The following CNTNAP2 variants were observed in gnomAD, a reference collection of about 807,000 sequenced individuals.
The protein encoded by CNTNAP2 is contactin associated protein 2.
Under a neutral mutation model 155.2 loss-of-function variants are expected in CNTNAP2, and 98 were observed. That is an observed-to-expected ratio of 0.63 (90% CI 0.54 to 0.75). CNTNAP2 has a LOEUF of 0.75. CNTNAP2 is among the 30% of genes least tolerant of loss of function. CNTNAP2 has a pLI of 0.00. For synonymous variants in CNTNAP2, 651 were observed against 631.2 expected, an observed-to-expected ratio of 1.03 and a Z score of -0.47; for missense variants, 1,727 against 1,688.1, an observed-to-expected ratio of 1.02 and a Z score of -0.40.
intron 17 of CNTNAP2, among the ~76,000 whole-genome samples, chr7:148,161,348 A>C (rs376191998): frequency 5.3e-5 from 8 of 152,160 alleles, no homozygotes; most frequent in African/African-American, 1.9e-4. Flanking sequence ...TTCTGAGTTC[A>C]AGCATATTCC....
chr7:147,550,413 C>G (rs1471544922), intron 11 of CNTNAP2, among the ~76,000 whole-genome samples: 2 of 152,210 alleles, frequency 1.3e-5, no homozygotes, highest in African/African-American at 4.8e-5. Flanking sequence ...CACAATCTCT[C>G]TTGCCTGCCA....
At chr7:148,409,494 T>A (rs1214940289) in intron 23 of CNTNAP2, 23 bp downstream of exon 23, 2 of 1,591,062 alleles carry the variant, frequency 1.3e-6, no homozygotes, top group Non-Finnish European at 1.7e-6. Flanking sequence ...TAGAGGAGGC[T>A]TATATGGGGC....
At chr7:148,193,493 T>C (rs77256073) in intron 18 of CNTNAP2, among the ~76,000 whole-genome samples, 1 of 152,198 alleles carries the variant, frequency 6.6e-6, no homozygotes, top group African/African-American at 2.4e-5. Flanking sequence ...TAATTTTTTT[T>C]TGTGGAAGAA....
At chr7:146,231,387 A>G (rs184903572) in intron 1 of CNTNAP2, among the ~76,000 whole-genome samples, 3 of 152,226 alleles carry the variant, frequency 2.0e-5, no homozygotes, top group East Asian at 1.9e-4. Context: ...TTCTGCATCA[A>G]TCAGTCCTGT....
intron 1 of CNTNAP2, among the ~76,000 whole-genome samples, chr7:146,764,141 C>T (rs137943460): frequency 2.1e-3 from 321 of 152,202 alleles, no homozygotes; most frequent in African/African-American, 7.1e-3. Flanking sequence ...TCAAATGAGC[C>T]CAGCCCTTAG....
intron 19 of CNTNAP2, among the ~76,000 whole-genome samples, chr7:148,221,827 G>A (rs1795751635): frequency 6.6e-6 from 1 of 152,130 alleles, no homozygotes; most frequent in Non-Finnish European, 1.5e-5. Context: ...TGCTTTTGTG[G>A]GTCACCCAGG....
At chr7:146,592,087 T>C (rs1172647481) in intron 1 of CNTNAP2, among the ~76,000 whole-genome samples, 5 of 152,144 alleles carry the variant, frequency 3.3e-5, no homozygotes, top group Non-Finnish European at 7.4e-5. Context: ...TTTTTGCCAA[T>C]TATGCCAATC....
At chr7:146,936,934 C>G (rs1431040344) in intron 3 of CNTNAP2, among the ~76,000 whole-genome samples, 2 of 152,172 alleles carry the variant, frequency 1.3e-5, no homozygotes, top group African/African-American at 4.8e-5. Flanking sequence ...CATTGCTTCA[C>G]TAAACTCCTT....
chr7:147,940,198 T>G (rs1800692673), intron 14 of CNTNAP2: 1 of 149,432 alleles, frequency 6.7e-6, no homozygotes, highest in East Asian at 2.0e-4. Context: ...CCAAGCCAAG[T>G]GAGAAACGGA....
chr7:146,169,200 C>T (rs1385320532), intron 1 of CNTNAP2, among the ~76,000 whole-genome samples: 3 of 152,168 alleles, frequency 2.0e-5, no homozygotes, highest in Non-Finnish European at 2.9e-5. Context: ...AGATAGAATT[C>T]TAACTTACCC....
intron 1 of CNTNAP2, among the ~76,000 whole-genome samples, chr7:146,334,627 A>T (rs920677936): frequency 1.3e-5 from 2 of 152,116 alleles, no homozygotes; most frequent in South Asian, 2.1e-4. Context: ...ACCATCAAAG[A>T]TGGAATTCTT....
chr7:148,135,126 T>G (rs994320987), intron 16 of CNTNAP2, among the ~76,000 whole-genome samples: 5 of 152,188 alleles, frequency 3.3e-5, no homozygotes, highest in Non-Finnish European at 5.9e-5. Context: ...TAATTTTATA[T>G]TTAGAAAGAA....
chr7:146,354,411 A>ATTTTTTT (rs10641636), intron 1 of CNTNAP2, among the ~76,000 whole-genome samples: 11 of 135,338 alleles, frequency 8.1e-5, no homozygotes, highest in African/African-American at 1.7e-4. Flanking sequence ...TCTTGTTAGT[A>ATTTTTTT]TTTTTTTTTT....
intron 14 of CNTNAP2, among the ~76,000 whole-genome samples, chr7:147,931,372 A>T (rs1800501210): frequency 6.6e-6 from 1 of 152,138 alleles, no homozygotes; most frequent in South Asian, 2.1e-4. Context: ...AAATTTAAAG[A>T]ACTTATGCTA....
chr7:147,155,959 G>A, intron 8 of CNTNAP2, among the ~76,000 whole-genome samples: 1 of 152,028 alleles, frequency 6.6e-6, no homozygotes, highest in East Asian at 1.9e-4. Context: ...GTAACCAAAT[G>A]CTACTGATAC....
chr7:146,308,073 A>G (rs1287184211), intron 1 of CNTNAP2, among the ~76,000 whole-genome samples: 1 of 141,230 alleles, frequency 7.1e-6, no homozygotes, highest in Non-Finnish European at 1.5e-5. Flanking sequence ...TTTACAATCT[A>G]CCCATCTGAC....
At chr7:146,198,359 G>A (rs974952043) in intron 1 of CNTNAP2, among the ~76,000 whole-genome samples, 1 of 152,142 alleles carries the variant, frequency 6.6e-6, no homozygotes, top group African/African-American at 2.4e-5. Context: ...CAAATAGGTA[G>A]ATATATGACT....
chr7:147,345,631 A>G (rs867750384), intron 9 of CNTNAP2, among the ~76,000 whole-genome samples: 32 of 152,272 alleles, frequency 2.1e-4, no homozygotes, highest in African/African-American at 7.0e-4. Flanking sequence ...TGGTTGCCAA[A>G]GATAAGGTGC....
chr7:148,183,511 G>C (rs1235483175), intron 18 of CNTNAP2, among the ~76,000 whole-genome samples: 2 of 76,260 alleles, frequency 2.6e-5, no homozygotes, highest in African/African-American at 1.1e-4. Context: ...GACAGGCTTT[G>C]AGCTTTGTTG....
Sources: allele counts gnomAD v4.1 joint callset (sites outside exome capture counted in the v4.1 genomes callset), GRCh38; gene constraint gnomAD v4.1.1; transcripts MANE v1.5; gene names NCBI Gene and HGNC (gene_info 2026-07-23, HGNC 2026-07-21).